The following FCRL5 variants were observed in gnomAD, a reference collection of about 807,000 sequenced individuals.
FCRL5 encodes Fc receptor like 5, also known as Fc receptor-like protein 5.
A neutral mutation model predicts 92.1 loss-of-function variants in FCRL5; 79 were observed. The ratio of observed to expected loss-of-function variants is 0.86; its 90% CI spans 0.72 to 1.03. FCRL5 has a LOEUF of 1.03. Among genes scored for constraint, FCRL5 ranks in the 50% least tolerant of loss-of-function variants. The pLI, the probability that FCRL5 is intolerant of heterozygous loss-of-function variation, is 0.00. For synonymous variants in FCRL5, 466 were observed against 469.3 expected (o/e 0.99, Z 0.09); for missense variants, 1,160 against 1,181.1 (o/e 0.98, Z 0.26).
rs768581414 is a variant in FCRL5, at chr1:157,527,837, C to T, written c.1740G>A (p.Gly580=). 3.1e-6 allele frequency: 5 copies of T among 1,611,526 alleles called. No homozygotes were observed. Among genetic ancestry groups the T allele is most frequent in the East Asian group, 2.2e-5 (1 of 44,850 alleles). Residue 580 remains glycine, a synonymous_variant, in exon 9 of 17, where the codon GGG becomes GGA. Coordinates refer to ENST00000361835, the MANE Select transcript of FCRL5 (RefSeq NM_031281.3). ...CCTCACAGTGAAGCTCCAGCAGGTC[C>T]CCCACCACAGCCTGGGCCCTGGGAA... ...LRVPRAQAVV[G]DLLELHCEAP... is the part of the protein sequence containing the mutation.
At chr1:157,539,465 G>A (rs1651145645) in intron 6 of FCRL5, 101 bp from the exon 7 acceptor site, 1 of 1,135,946 alleles carries the variant, frequency 8.8e-7, no homozygotes, top group Non-Finnish European at 1.2e-6. Context: ...CTAAGCCAAA[G>A]GGAAAAGTCA....
intron 7 of FCRL5, among the ~76,000 whole-genome samples, chr1:157,538,090 G>C (rs138420701): frequency 5.5e-4 from 83 of 152,278 alleles, no homozygotes; most frequent in African/African-American, 1.9e-3. Context: ...TCATTTAATA[G>C]GACTTTAAAC....
rs1650500972 is a variant in FCRL5 at position 157,527,788 on chromosome 1, G to A, written c.1789C>T (p.Leu597=). The A allele has an allele frequency of 6.2e-7, 1 of 1,613,970 alleles. No individual in the cohort carries two copies. The highest frequency in any genetic ancestry group is 1.3e-5 in the African/African-American group (1 of 74,952). ...ACATCCTCATGATAAAACCAGTACAGGATTGGGGGAGAGCCTCTCGGGGCC... is the reference window on the plus strand; with the variant it reads ...ACATCCTCATGATAAAACCAGTACAAGATTGGGGGAGAGCCTCTCGGGGCC... The part of the protein sequence containing the change: ...CEAPRGSPPI[L]YWFYHEDVTL... Residue 597 remains leucine (L), a synonymous_variant, in exon 9 of 17, where the codon CTG becomes TTG. Transcript: ENST00000361835.
At chr1:157,530,199 C>G (rs1189178004) in intron 8 of FCRL5, among the ~76,000 whole-genome samples, 1 of 152,122 alleles carries the variant, frequency 6.6e-6, no homozygotes, top group Non-Finnish European at 1.5e-5. Context: ...TGGTCTACAA[C>G]CTGCTTTTTC....
intron 9 of FCRL5, among the ~76,000 whole-genome samples, chr1:157,525,550 T>C (rs891198287): frequency 6.6e-6 from 1 of 152,188 alleles, no homozygotes; most frequent in Non-Finnish European, 1.5e-5. Flanking sequence ...ATGATCAAAT[T>C]TGTCCCTTTT....
chr1:157,539,396 T>C, intron 6 of FCRL5, 32 bp from the exon 7 acceptor site: 3 of 1,564,208 alleles, frequency 1.9e-6, no homozygotes, highest in Non-Finnish European at 2.6e-6. Context: ...TCAAGATTTG[T>C]TTCTGCCTCC....
In FCRL5 at chr1:157,535,943, G is replaced by GTTTTTTTTTTTTTTTTTTTT. The variant is rs60191062; in HGVS notation, c.1403-1052_1403-1051insAAAAAAAAAAAAAAAAAAAA. Among the ~76,000 whole-genome samples, 13 of 90,034 alleles carry GTTTTTTTTTTTTTTTTTTTT rather than the reference G, an allele frequency of 1.4e-4. 2 individuals carry two copies. Among genetic ancestry groups the GTTTTTTTTTTTTTTTTTTTT allele is most frequent in the East Asian group, 8.4e-4 (2 of 2,382 alleles). 59.1% of individuals were successfully genotyped at this position (90,034 alleles called of 152,430 possible). On this transcript the variant is annotated intron_variant, in intron 7 of 16. Transcript: ENST00000361835. ...GGCTAAATTCACTGGATGTGACTCA[G>GTTTTTTTTTTTTTTTTTTTT]TTTTTTTTTTTTTTTTGAGATGGAG...
Position 157,521,092 on chromosome 1 carries a change from A to C in FCRL5, c.2440T>G (p.Ser814Ala). Residue 814 changes from serine (S) to alanine (A), a missense_variant, in exon 11 of 17, where the codon TCT becomes GCT. Coordinates refer to ENST00000361835, the MANE Select transcript of FCRL5 (RefSeq NM_031281.3). ...SLNLSLTAEH[S>A]GNYSCEADNG... is the part of the protein sequence containing the mutation. ...TCGGCCTCACAGGAGTAGTTTCCAG[A>C]GTGCTCTGCAGTCAGAGAGAGGTTT... The C allele has an allele frequency of 6.2e-7, 1 of 1,614,204 alleles. No homozygotes were observed. The highest frequency in any genetic ancestry group is 8.5e-7 in the Non-Finnish European group (1 of 1,180,040).
chr1:157,519,557 G>T (rs573165070), intron 13 of FCRL5, among the ~76,000 whole-genome samples, 186 bp downstream of exon 13: 2 of 152,176 alleles, frequency 1.3e-5, no homozygotes, highest in African/African-American at 4.8e-5. Flanking sequence ...TACAGCTAAG[G>T]GGGTGGGTGC....
chr1:157,523,165 C>T (rs540108778), intron 10 of FCRL5, among the ~76,000 whole-genome samples: 3 of 152,346 alleles, frequency 2.0e-5, no homozygotes, highest in East Asian at 1.9e-4. Flanking sequence ...TTATGATACC[C>T]AGGCACCTTG....
Position 157,539,299 on chromosome 1 carries a change from C to T in FCRL5, c.1189G>A (p.Val397Met), listed in dbSNP as rs757836318. The T allele has an allele frequency of 6.2e-7, 1 of 1,614,160 alleles. No homozygotes were observed. Among genetic ancestry groups the T allele is most frequent in the Non-Finnish European group, 8.5e-7 (1 of 1,180,022 alleles). Residue 397 changes from valine to methionine, a missense_variant, in exon 7 of 17, where the codon GTG becomes ATG. Coordinates refer to ENST00000361835, the MANE Select transcript of FCRL5 (RefSeq NM_031281.3). ...PEDLIFEGAK[V>M]TLHCEAQRGS... ...CTCTGGGCTTCACAGTGAAGTGTCA[C>T]CTTGGCTCCCTCAAAAATCAGGTCC...
intron 10 of FCRL5, chr1:157,521,591 T>C: frequency 4.4e-6 from 1 of 228,212 alleles, no homozygotes; most frequent in Non-Finnish European, 8.4e-6. Context: ...AATACTATTC[T>C]TTTTTCTATT....
chr1:157,539,492 A>C, intron 6 of FCRL5, 128 bp from the exon 7 acceptor site: 1 of 808,972 alleles, frequency 1.2e-6, no homozygotes. Context: ...GAACTATTTC[A>C]GGCAAACCTG....
rs1649876652 is a variant in FCRL5, at chr1:157,515,476, G to T, written c.*199C>A. 8.5e-7 allele frequency: 1 copy of T among 1,177,756 alleles called. No individual in the cohort carries two copies. The highest frequency in any genetic ancestry group is 1.2e-6 in the Non-Finnish European group (1 of 846,316). The allele number at this position is 1,177,756 out of a possible 1,614,324, so 73.0% of individuals were successfully genotyped here. A position where few individuals can be genotyped will look rare whatever the true frequency, so the allele number is the denominator to read the frequency against. ...TGCCACTGGATTAAAAAACCTGCCA[G>T]TCAGGGCTTTAACTGGGAAACAGGT... On this transcript the variant is annotated 3_prime_UTR_variant, in exon 17 of 17. Transcript: ENST00000361835.
At chr1:157,548,949 G>A (rs1177459065) in intron 2 of FCRL5, among the ~76,000 whole-genome samples, 3 of 152,102 alleles carry the variant, frequency 2.0e-5, no homozygotes, top group Non-Finnish European at 4.4e-5. Context: ...ATAACCAATG[G>A]ACTACAAATC....
Position 157,544,443 on chromosome 1 carries a change from A to T in FCRL5, c.663T>A (p.Asp221Glu), listed in dbSNP as rs149556320. 28 of 1,614,096 alleles carry T rather than the reference A, an allele frequency of 1.7e-5. 1 individual carries two copies. Among genetic ancestry groups the T allele is most frequent in the Non-Finnish European group, 2.4e-5 (28 of 1,180,048 alleles). Residue 221 changes from aspartate (D) to glutamate (E), a missense_variant, in exon 5 of 17, where the codon GAT becomes GAA. Transcript: ENST00000361835. ...TGAAGAAGCGGAACCGGAGCGGGAC[A>T]TCTGACCTCTCTAGAGAGAGCTGGG... ...CETQLSLERS[D>E]VPLRFRFFRD... is the part of the protein sequence containing the mutation.
intron 12 of FCRL5, 25 bp downstream of exon 12, chr1:157,520,406 C>G: frequency 6.6e-7 from 1 of 1,520,470 alleles, no homozygotes; most frequent in African/African-American, 1.4e-5. Context: ...TGAACTCAAG[C>G]CAAGGTGTGC....
chr1:157,538,298 G>A (rs913142474), intron 7 of FCRL5, among the ~76,000 whole-genome samples: 2 of 152,138 alleles, frequency 1.3e-5, no homozygotes, highest in Non-Finnish European at 2.9e-5. Context: ...TGTTTTACAG[G>A]AAAGGAAACT....
intron 6 of FCRL5, chr1:157,542,439 A>G (rs1487992787): frequency 6.2e-6 from 1 of 160,828 alleles, no homozygotes; most frequent in Non-Finnish European, 1.4e-5. Context: ...TGTGTCTTAC[A>G]TGTCTTTGCC....
Sources: gnomAD v4.1 joint callset for allele counts (sites outside exome capture counted in the v4.1 genomes callset) on GRCh38, gnomAD v4.1.1 for gene constraint, MANE v1.5 for transcripts, NCBI Gene and HGNC (gene_info 2026-07-23, HGNC 2026-07-21) for gene names.